Variants in CAMKK1 observed in about 807,000 individuals in gnomAD.
The protein encoded by CAMKK1 is calcium/calmodulin-dependent protein kinase kinase 1.
In CAMKK1, 20 loss-of-function variants were observed where a neutral mutation model predicts 63.5. That is an observed-to-expected ratio of 0.32 (90% CI 0.22 to 0.46). The LOEUF (loss-of-function observed/expected upper bound fraction) is 0.46, where lower values mean the gene tolerates loss of function less well. Among genes scored for constraint, CAMKK1 ranks in the 20% least tolerant of loss-of-function variants. The pLI, the probability that CAMKK1 is intolerant of heterozygous loss-of-function variation, is 1.00. For synonymous variants in CAMKK1, 253 were observed against 269.0 expected (o/e 0.94, Z 0.58); for missense variants, 588 against 658.1 (o/e 0.89, Z 1.17).
Position 3,882,829 on chromosome 17 carries a change from C to A in CAMKK1, c.648+213G>T, listed in dbSNP as rs562913352. Among the ~76,000 whole-genome samples, 1 of 152,298 alleles carries A rather than the reference C, an allele frequency of 6.6e-6. No homozygotes were observed. Among genetic ancestry groups the A allele is most frequent in the East Asian group, 1.9e-4 (1 of 5,172 alleles). ...TTCTTGCCTCTGGGGCAGCCCCTCA[C>A]CCTCCATGGGAACTTGGGAACATCC... On this transcript the variant is annotated intron_variant, in intron 6 of 15. Transcript: ENST00000348335. The surrounding 1 kb of genome is among the most constrained non-coding windows in gnomAD (Gnocchi z 4.3).
chr17:3,864,043 C>T (rs2054417156), intron 15 of CAMKK1, among the ~76,000 whole-genome samples: 1 of 151,812 alleles, frequency 6.6e-6, no homozygotes, highest in South Asian at 2.1e-4. Context: ...ACCTCCACCT[C>T]CCAGACTCAA....
rs2055540962 is a variant in CAMKK1 at position 3,884,178 on chromosome 17, G to C, written c.408+202C>G. Among the ~76,000 whole-genome samples the C allele has an allele frequency of 6.6e-6, 1 of 152,132 alleles. No individual in the cohort carries two copies. Among genetic ancestry groups the C allele is most frequent in the Non-Finnish European group, 1.5e-5 (1 of 68,018 alleles). ...TCAGTCCCTCCTTGTCCACTGTCAA[G>C]AACTCAGAGAGTCGGGAATCAGGAG... On this transcript the variant is annotated intron_variant, in intron 3 of 15. Transcript: ENST00000348335. The surrounding 1 kb of genome is among the most constrained non-coding windows in gnomAD (Gnocchi z 4.5).
At position 3,890,590 on chromosome 17, in the gene CAMKK1, C is replaced by T; in HGVS notation, c.-44+2349G>A. 1 of 774,358 alleles carries T rather than the reference C, an allele frequency of 1.3e-6. No individual in the cohort carries two copies. Among genetic ancestry groups the T allele is most frequent in the East Asian group, 2.4e-5 (1 of 41,140 alleles). The allele number at this position is 774,358 out of a possible 1,614,324, so 48.0% of individuals were successfully genotyped here. The stretch of plus-strand genomic sequence containing the variant: ...TCTCCATTGCGAGACGGGTACCACA[C>T]CCTCCCCATTCTTTCCTGACCCAGG... On this transcript the variant is annotated intron_variant, in intron 1 of 15. Transcript: ENST00000348335. This position sits in a 1 kb window ranked among gnomAD's most constrained non-coding sequence, Gnocchi z 6.5.
At chr17:3,872,697 C>A (rs2054945422) in intron 11 of CAMKK1, 70 bp from the exon 12 acceptor site, 3 of 1,372,536 alleles carry the variant, frequency 2.2e-6, no homozygotes, top group Admixed American at 1.7e-5. Context: ...ATCAACCCCC[C>A]TCCCTTGGTG....
In CAMKK1 at chr17:3,883,755, T is replaced by G; in HGVS notation, c.462+129A>C. The G allele has an allele frequency of 1.1e-6, 1 of 870,120 alleles. No homozygotes were observed. The highest frequency in any genetic ancestry group is 1.9e-6 in the Non-Finnish European group (1 of 527,764). The allele number at this position is 870,120 out of a possible 1,614,324, so 53.9% of individuals were successfully genotyped here. A position where few individuals can be genotyped will look rare whatever the true frequency, so the allele number is the denominator to read the frequency against. On this transcript the variant is annotated intron_variant, in intron 4 of 15. Coordinates refer to ENST00000348335, the MANE Select transcript of CAMKK1 (RefSeq NM_032294.3). This position sits in a 1 kb window ranked among gnomAD's most constrained non-coding sequence, Gnocchi z 4.7. ...GGGTTAGGAAGCTCATTCCTTTGCA[T>G]ACCCCTAGGGACAGGGAGCTCACTC...
chr17:3,868,061 AAGCAGGCGCAG>A, intron 14 of CAMKK1, among the ~76,000 whole-genome samples: 1 of 79,306 alleles, frequency 1.3e-5, no homozygotes, highest in Non-Finnish European at 2.5e-5. Context: ...TCTGGGGGAG[AAGCAGGCGCAG>A]TCTAACTGAT....
chr17:3,870,797 T>A (rs746934313), intron 12 of CAMKK1, among the ~76,000 whole-genome samples: 2 of 151,996 alleles, frequency 1.3e-5, no homozygotes, highest in Non-Finnish European at 2.9e-5. Flanking sequence ...CTTTTAAAAT[T>A]CCTGGGCTGA....
rs756811777 is a variant in CAMKK1, at chr17:3,884,360, C to G, written c.408+20G>C. ...AGAGAATCCCGAAGCCCCCACTGCTCTCGGCCTGCCCACTCCTACCTTGCC... is the reference window on the plus strand; with the variant it reads ...AGAGAATCCCGAAGCCCCCACTGCTGTCGGCCTGCCCACTCCTACCTTGCC... On this transcript the variant is annotated intron_variant, in intron 3 of 15. Transcript: ENST00000348335. This position sits in a 1 kb window ranked among gnomAD's most constrained non-coding sequence, Gnocchi z 4.5. 2.5e-6 allele frequency: 4 copies of G among 1,613,444 alleles called. No homozygotes were observed. The African/African-American group carries it at 4.0e-5, about 16-fold the overall frequency.
chr17:3,874,461 TC>T (rs2055049217), intron 10 of CAMKK1, among the ~76,000 whole-genome samples: 1 of 152,182 alleles, frequency 6.6e-6, no homozygotes, highest in Non-Finnish European at 1.5e-5. Flanking sequence ...AACCTCTGCC[TC>T]CTGGGTTCGA....
In CAMKK1 at chr17:3,885,697, C is replaced by A; in HGVS notation, c.-10G>T. ...CTGGACCCCCCTCCATTGCTTCAGT[C>A]AAGGGGGTTCTTCTGCGTAGCCTTG... On this transcript the variant is annotated 5_prime_UTR_variant, in exon 2 of 16. Transcript: ENST00000348335. The A allele has an allele frequency of 6.2e-7, 1 of 1,611,478 alleles. No individual in the cohort carries two copies. The highest frequency in any genetic ancestry group is 1.1e-5 in the South Asian group (1 of 91,064).
At chr17:3,885,962 C>T (rs2055633019) in intron 1 of CAMKK1, among the ~76,000 whole-genome samples, 1 of 152,224 alleles carries the variant, frequency 6.6e-6, no homozygotes, top group Non-Finnish European at 1.5e-5. Flanking sequence ...CAGAGGCAGT[C>T]ACTTCTGCCT....
chr17:3,868,324 A>G (rs867085266), intron 14 of CAMKK1, among the ~76,000 whole-genome samples: 2,120 of 117,866 alleles, frequency 0.018, 89 homozygotes, highest in African/African-American at 0.082. Flanking sequence ...TAACTGATAC[A>G]CAGGATCTGG....
intron 9 of CAMKK1, among the ~76,000 whole-genome samples, chr17:3,877,023 G>C (rs2055196355): frequency 1.3e-5 from 2 of 152,124 alleles, no homozygotes; most frequent in African/African-American, 4.8e-5. Flanking sequence ...CTCCCAAAGT[G>C]CTGGGATTAC....
Position 3,862,187 on chromosome 17 carries a change from G to A in CAMKK1, c.*24C>T. ...AGGCGCGGGATGAGTGTGCTGCCGG[G>A]TGGCCCTGGGTGCATGCAGGGGCTC... On this transcript the variant is annotated 3_prime_UTR_variant, in exon 16 of 16. Transcript: ENST00000348335. This position sits in a 1 kb window ranked among gnomAD's most constrained non-coding sequence, Gnocchi z 4.1. 1 of 1,564,964 alleles carries A rather than the reference G, an allele frequency of 6.4e-7. No individual in the cohort carries two copies. Among genetic ancestry groups the A allele is most frequent in the East Asian group, 2.4e-5 (1 of 42,266 alleles).
chr17:3,885,633 G>A lies in CAMKK1; in HGVS notation c.55C>T (p.Arg19Trp), dbSNP rs773391060. ...CQDPRAELVERVAAIDVTHLE... is the reference protein window; with the variant it reads ...CQDPRAELVEWVAAIDVTHLE... ...TGAGTCACATCGATGGCTGCCACCC[G>A]TTCTACCAGCTCTGCCCGAGGATCC... The change falls in exon 2 of 16, where the codon CGG (arginine) becomes TGG (tryptophan). Residue 19 changes from arginine (R) to tryptophan (W), a missense_variant. Arg to Trp is a moderately radical substitution (Grantham distance 101, BLOSUM62 -3). Transcript: ENST00000348335. The A allele has an allele frequency of 2.2e-5, 36 of 1,613,904 alleles. No individual in the cohort carries two copies. Among genetic ancestry groups the A allele is most frequent in the Non-Finnish European group, 2.7e-5 (32 of 1,180,030 alleles).
chr17:3,877,470 G>A (rs1246871398), intron 9 of CAMKK1, among the ~76,000 whole-genome samples: 1 of 152,174 alleles, frequency 6.6e-6, no homozygotes, highest in Non-Finnish European at 1.5e-5. Context: ...AGCCAAGAGA[G>A]ACAATGACCC....
chr17:3,888,268 C>T (rs1388321247), intron 1 of CAMKK1, among the ~76,000 whole-genome samples: 1 of 152,238 alleles, frequency 6.6e-6, no homozygotes, highest in African/African-American at 2.4e-5. Context: ...AGGCCATCCT[C>T]CTTTACCCTT....
chr17:3,869,448 C>G (rs1051548388), intron 14 of CAMKK1, 39 bp downstream of exon 14: 2 of 1,612,482 alleles, frequency 1.2e-6, no homozygotes, highest in African/African-American at 2.7e-5. Context: ...GTCCCCCAGG[C>G]CCTCCAGGAC....
Position 3,887,854 on chromosome 17 carries a change from G to T in CAMKK1, c.-43-2124C>A, listed in dbSNP as rs1053962902. ...GGACCCGCCAGGCTCCTCCCAGCAGGTGGCCCACCCCTCCGCCCCTTCCCC... is the reference window on the plus strand; with the variant it reads ...GGACCCGCCAGGCTCCTCCCAGCAGTTGGCCCACCCCTCCGCCCCTTCCCC... On this transcript the variant is annotated intron_variant, in intron 1 of 15. Coordinates refer to ENST00000348335, the MANE Select transcript of CAMKK1 (RefSeq NM_032294.3). This position sits in a 1 kb window ranked among gnomAD's most constrained non-coding sequence, Gnocchi z 6.1. 1.3e-5 allele frequency among the ~76,000 whole-genome samples: 2 copies of T among 152,148 alleles called. No homozygotes were observed. The highest frequency in any genetic ancestry group is 2.9e-5 in the Non-Finnish European group (2 of 68,006).
Sources: gnomAD v4.1 joint callset for allele counts (sites outside exome capture counted in the v4.1 genomes callset) on GRCh38, gnomAD v4.1.1 for gene constraint, Gnocchi (gnomAD v3.1) non-coding constraint, MANE v1.5 for transcripts, NCBI Gene and HGNC (gene_info 2026-07-23, HGNC 2026-07-21) for gene names.